The following MITF variants were observed in gnomAD, a reference collection of about 807,000 sequenced individuals.
MITF encodes microphthalmia-associated transcription factor.
In MITF, 17 loss-of-function variants were observed where a neutral mutation model predicts 60.5. The observed-to-expected ratio is 0.28, with a 90% CI of 0.19 to 0.42. MITF has a LOEUF of 0.42. Ranked by LOEUF, MITF falls within the 10% of genes least tolerant of loss-of-function variation. The probability of loss-of-function intolerance (pLI) is 1.00; values close to 1 mark genes in which losing one functional copy is unlikely to be tolerated. For synonymous variants in MITF, 260 were observed against 248.5 expected (o/e 1.05, Z -0.43); for missense variants, 622 against 683.5 (o/e 0.91, Z 1.00).
rs113926437 is a variant in MITF, at chr3:69,870,442, T to A, written c.105-8692T>A. 3.1e-3 allele frequency among the ~76,000 whole-genome samples: 446 copies of A among 144,254 alleles called. 2 individuals carry two copies. The highest frequency in any genetic ancestry group is 9.3e-3 in the Admixed American group (136 of 14,636). 94.6% of individuals were successfully genotyped at this position (144,254 alleles called of 152,430 possible). A position where few individuals can be genotyped will look rare whatever the true frequency, so the allele number is the denominator to read the frequency against. The stretch of plus-strand genomic sequence containing the variant: ...TGTGTGTGTATATATATATATATAT[T>A]TTTTTTTTTTTGAGACGGAATCTCG... On this transcript the variant is annotated intron_variant, in intron 1 of 9. Coordinates refer to ENST00000352241, the MANE Select transcript of MITF (RefSeq NM_001354604.2).
intron 2 of MITF, among the ~76,000 whole-genome samples, chr3:69,891,842 T>C (rs1011852376): frequency 6.6e-6 from 1 of 152,172 alleles, no homozygotes; most frequent in Non-Finnish European, 1.5e-5. Context: ...AAATACCTAA[T>C]AGCTATTTAG....
At position 69,917,458 on chromosome 3, in the gene MITF, C is replaced by A. The variant is rs867446130; in HGVS notation, c.355-20364C>A. On this transcript the variant is annotated intron_variant, in intron 2 of 9. Transcript: ENST00000352241. Reference sequence around the variant, plus strand: ...ATTCTGCTCTTAGATGAGGGTGGTTCATTCATGGTATGGTGCTGAAGAGGA... The same window carrying A: ...ATTCTGCTCTTAGATGAGGGTGGTTAATTCATGGTATGGTGCTGAAGAGGA... 1.2e-4 allele frequency among the ~76,000 whole-genome samples: 17 copies of A among 137,406 alleles called. No individual in the cohort carries two copies. In the Admixed American group the frequency reaches 1.3e-3, roughly 11 times the overall value. 90.1% of individuals were successfully genotyped at this position (137,406 alleles called of 152,430 possible).
At chr3:69,906,269 T>C (rs1292538691) in intron 2 of MITF, among the ~76,000 whole-genome samples, 1 of 152,128 alleles carries the variant, frequency 6.6e-6, no homozygotes, top group African/African-American at 2.4e-5. Context: ...GTTGATTATA[T>C]GTGTGGGTCT....
At chr3:69,843,741 G>A (rs2063680802) in intron 1 of MITF, among the ~76,000 whole-genome samples, 1 of 151,914 alleles carries the variant, frequency 6.6e-6, no homozygotes, top group Non-Finnish European at 1.5e-5. Flanking sequence ...TACCGTTTTT[G>A]TTTGTTTGTT....
intron 1 of MITF, among the ~76,000 whole-genome samples, chr3:69,741,716 A>T (rs903227815): frequency 6.6e-6 from 1 of 152,230 alleles, no homozygotes; most frequent in African/African-American, 2.4e-5. Context: ...GAGCACACAC[A>T]TGCTCTTTGA....
At chr3:69,904,494 A>T (rs2065057043) in intron 2 of MITF, among the ~76,000 whole-genome samples, 2 of 152,090 alleles carry the variant, frequency 1.3e-5, no homozygotes, top group Non-Finnish European at 2.9e-5. Flanking sequence ...CTGCCCACCC[A>T]ATAAGACCCA....
intron 2 of MITF, among the ~76,000 whole-genome samples, chr3:69,917,614 A>T (rs1430615564): frequency 2.0e-5 from 3 of 152,130 alleles, no homozygotes; most frequent in Admixed American, 6.5e-5. Context: ...GAATCTAGCA[A>T]AGGGCTATTT....
intron 1 of MITF, among the ~76,000 whole-genome samples, chr3:69,858,070 A>T (rs745982486): frequency 6.6e-6 from 1 of 152,078 alleles, no homozygotes; most frequent in South Asian, 2.1e-4. Flanking sequence ...AGAACACATG[A>T]CAATATTTTA....
At position 69,965,325 on chromosome 3, in the gene MITF, T is replaced by C; in HGVS notation, c.*77T>C. The C allele has an allele frequency of 6.6e-7, 1 of 1,510,208 alleles. No homozygotes were observed. Among genetic ancestry groups the C allele is most frequent in the Non-Finnish European group, 9.1e-7 (1 of 1,103,382 alleles). The allele number at this position is 1,510,208 out of a possible 1,614,324, so 93.6% of individuals were successfully genotyped here. A position where few individuals can be genotyped will look rare whatever the true frequency, so the allele number is the denominator to read the frequency against. On this transcript the variant is annotated 3_prime_UTR_variant, in exon 10 of 10. Coordinates refer to ENST00000352241, the MANE Select transcript of MITF (RefSeq NM_001354604.2). Reference sequence around the variant, plus strand: ...AGATTTAATAACTTACCTGAAGGGGTTTTCTTGATAATTTTCCTTTAATAT... The same window carrying C: ...AGATTTAATAACTTACCTGAAGGGGCTTTCTTGATAATTTTCCTTTAATAT...
At chr3:69,920,605 G>A (rs911002343) in intron 2 of MITF, among the ~76,000 whole-genome samples, 1 of 152,118 alleles carries the variant, frequency 6.6e-6, no homozygotes, top group African/African-American at 2.4e-5. Flanking sequence ...CAGCTGCCAG[G>A]CAGGGAAGGG....
At chr3:69,802,793 G>C (rs1575737095) in intron 1 of MITF, among the ~76,000 whole-genome samples, 1 of 148,190 alleles carries the variant, frequency 6.7e-6, no homozygotes, top group African/African-American at 2.5e-5. Context: ...CTAGGTTCCA[G>C]TGATTCTCCT....
chr3:69,900,745 A>G (rs2064977749), intron 2 of MITF, among the ~76,000 whole-genome samples: 1 of 152,216 alleles, frequency 6.6e-6, no homozygotes. Context: ...CAAAAGTAAC[A>G]TGTTTAAGGC....
At chr3:69,914,480 G>A (rs1162355296) in intron 2 of MITF, among the ~76,000 whole-genome samples, 1 of 152,108 alleles carries the variant, frequency 6.6e-6, no homozygotes, top group African/African-American at 2.4e-5. Context: ...TTTCAATTGG[G>A]TCATGCTGGG....
At chr3:69,889,617 C>A (rs1262957425) in intron 2 of MITF, among the ~76,000 whole-genome samples, 1 of 151,744 alleles carries the variant, frequency 6.6e-6, no homozygotes, top group Non-Finnish European at 1.5e-5. Context: ...TTTCCTAAGT[C>A]TTTGTGCTGC....
rs766940634 is a variant in MITF at position 69,879,344 on chromosome 3, C to G, written c.315C>G (p.Thr105=). 2 of 1,614,116 alleles carry G rather than the reference C, an allele frequency of 1.2e-6. No individual in the cohort carries two copies. Among genetic ancestry groups the G allele is most frequent in the Non-Finnish European group, 1.7e-6 (2 of 1,180,056 alleles). Residue 105 remains threonine, a synonymous_variant, in exon 2 of 10, where the codon ACC becomes ACG. Coordinates refer to ENST00000352241, the MANE Select transcript of MITF (RefSeq NM_001354604.2). Reference sequence around the variant, plus strand: ...CCATAAACGTCAGTGTGCCCACCACCCTTCCCTCTGCCACGCAGGTGCCGA... The same window carrying G: ...CCATAAACGTCAGTGTGCCCACCACGCTTCCCTCTGCCACGCAGGTGCCGA... ...TPAINVSVPT[T]LPSATQVPME... is the part of the protein sequence containing the mutation.
intron 1 of MITF, among the ~76,000 whole-genome samples, chr3:69,835,141 C>G (rs185786759): frequency 2.0e-5 from 3 of 149,688 alleles, no homozygotes; most frequent in African/African-American, 7.4e-5. Flanking sequence ...TTTCAATCTC[C>G]CAAGTAGCTG....
At chr3:69,920,013 CATT>C (rs1278561533) in intron 2 of MITF, among the ~76,000 whole-genome samples, 1 of 152,088 alleles carries the variant, frequency 6.6e-6, no homozygotes, top group Admixed American at 6.5e-5. Context: ...TATCATTAAT[CATT>C]AGTTTGTAGC....
At chr3:69,919,817 G>GTTT (rs34303110) in intron 2 of MITF, among the ~76,000 whole-genome samples, 1 of 150,658 alleles carries the variant, frequency 6.6e-6, no homozygotes, top group Non-Finnish European at 1.5e-5. Context: ...ATTTGCTGGG[G>GTTT]TTTTTTTTTG....
At chr3:69,755,450 T>G (rs1704107959) in intron 1 of MITF, among the ~76,000 whole-genome samples, 1 of 136,746 alleles carries the variant, frequency 7.3e-6, no homozygotes, top group Non-Finnish European at 1.6e-5. Flanking sequence ...TTTTTTTTTT[T>G]TTTTTTTTTT....
Sources: gnomAD v4.1 joint callset for allele counts (sites outside exome capture counted in the v4.1 genomes callset) on GRCh38, gnomAD v4.1.1 for gene constraint, MANE v1.5 for transcripts, NCBI Gene and HGNC (gene_info 2026-07-23, HGNC 2026-07-21) for gene names.